Variants in LPP observed in about 807,000 individuals in gnomAD.
LPP encodes LIM domain containing preferred translocation partner in lipoma, also known as lipoma-preferred partner.
Under a neutral mutation model 60.4 loss-of-function variants are expected in LPP, and 38 were observed. The ratio of observed to expected loss-of-function variants is 0.63; its 90% CI spans 0.49 to 0.83. The LOEUF (loss-of-function observed/expected upper bound fraction) is 0.83, where lower values mean the gene tolerates loss of function less well. LPP is among the 40% of genes least tolerant of loss of function. The probability of loss-of-function intolerance (pLI) is 0.00; values close to 1 mark genes in which losing one functional copy is unlikely to be tolerated. For synonymous variants in LPP, 328 were observed against 290.8 expected (o/e 1.13, Z -1.30); for missense variants, 902 against 783.6 (o/e 1.15, Z -1.80).
chr3:188,727,162 A>G (rs1718730468), intron 8 of LPP, among the ~76,000 whole-genome samples: 1 of 152,178 alleles, frequency 6.6e-6, no homozygotes, highest in Admixed American at 6.5e-5. Flanking sequence ...AGTAACCTTG[A>G]GCAAGTTTTG....
intron 5 of LPP, among the ~76,000 whole-genome samples, chr3:188,493,759 A>G (rs190971361): frequency 1.1e-4 from 17 of 152,236 alleles, no homozygotes; most frequent in African/African-American, 4.1e-4. Flanking sequence ...TTTTCTTATA[A>G]TATGTTGAAA....
At chr3:188,510,632 A>G (rs1252386654) in intron 5 of LPP, among the ~76,000 whole-genome samples, 1 of 152,138 alleles carries the variant, frequency 6.6e-6, no homozygotes, top group Admixed American at 6.5e-5. Context: ...GGTAAGAGCC[A>G]ATCTCCTTAT....
At chr3:188,619,730 C>CA (rs1845482101) in intron 7 of LPP, among the ~76,000 whole-genome samples, 2 of 152,270 alleles carry the variant, frequency 1.3e-5, no homozygotes, top group African/African-American at 4.8e-5. Context: ...GGAAGAACGT[C>CA]ATGAAATTTA....
In LPP at chr3:188,371,639, ATATTTTTTTTTTTTTTTTTT is replaced by A. The variant is rs2151072510; in HGVS notation, c.-10+29922_-10+29941del. 1.1e-4 allele frequency among the ~76,000 whole-genome samples: 3 copies of A among 27,664 alleles called. No individual in the cohort carries two copies. In the East Asian group the frequency reaches 5.5e-3, roughly 50 times the overall value. The allele number at this position is 27,664 out of a possible 152,430, so 18.1% of individuals were successfully genotyped here. Reference sequence around the variant, plus strand: ...AAAATATATATATATATATATATATATATTTTTTTTTTTTTTTTTTTTTTTTTTTTTTGAGATGGAGACTT... The same window carrying A: ...AAAATATATATATATATATATATATATTTTTTTTTTTTGAGATGGAGACTT... On this transcript the variant is annotated intron_variant, in intron 3 of 11. Coordinates refer to ENST00000617246, the MANE Select transcript of LPP (RefSeq NM_001375462.1).
chr3:188,839,000 C>T (rs1181689834), intron 9 of LPP, among the ~76,000 whole-genome samples: 3 of 152,144 alleles, frequency 2.0e-5, no homozygotes, highest in Non-Finnish European at 4.4e-5. Flanking sequence ...GTACATTCTG[C>T]ACATGTATCT....
chr3:188,402,564 A>G (rs774955630), intron 3 of LPP, among the ~76,000 whole-genome samples: 10 of 152,244 alleles, frequency 6.6e-5, no homozygotes, highest in Admixed American at 3.3e-4. Flanking sequence ...GCTTCATTAC[A>G]TCACCAAATT....
intron 7 of LPP, among the ~76,000 whole-genome samples, chr3:188,629,949 G>C (rs1588871): frequency 6.6e-6 from 1 of 152,106 alleles, no homozygotes; most frequent in Non-Finnish European, 1.5e-5. Context: ...ACCATTGATA[G>C]TCAACATTTG....
chr3:188,166,721 GTCCGGC>G (rs1298522275), intron 1 of LPP, among the ~76,000 whole-genome samples: 10 of 152,192 alleles, frequency 6.6e-5, no homozygotes. Flanking sequence ...AGATCTCTGA[GTCCGGC>G]TCTAGCTTTT....
intron 8 of LPP, among the ~76,000 whole-genome samples, chr3:188,725,057 T>C (rs755873004): frequency 1.8e-4 from 28 of 152,214 alleles, no homozygotes; most frequent in Non-Finnish European, 4.4e-5. Context: ...ATTAAGATGG[T>C]TCAGGAAGTC....
At chr3:188,522,051 T>C (rs532339291) in intron 5 of LPP, among the ~76,000 whole-genome samples, 1 of 152,322 alleles carries the variant, frequency 6.6e-6, no homozygotes, top group East Asian at 1.9e-4. Context: ...TACCACAGTG[T>C]TTCATAGTTA....
chr3:188,811,223 TATAG>T (rs1003015200), intron 9 of LPP, among the ~76,000 whole-genome samples: 25 of 152,140 alleles, frequency 1.6e-4, no homozygotes, highest in Admixed American at 1.4e-3. Flanking sequence ...ATAAGAGAAC[TATAG>T]ATATTCACAT....
chr3:188,481,283 G>A (rs1020068338), intron 4 of LPP, among the ~76,000 whole-genome samples: 10 of 152,092 alleles, frequency 6.6e-5, no homozygotes, highest in African/African-American at 2.4e-5. Context: ...TTTTGAAAAC[G>A]TGAGCACCTC....
At chr3:188,707,514 A>G (rs78983178) in intron 7 of LPP, among the ~76,000 whole-genome samples, 3,582 of 152,310 alleles carry the variant, frequency 0.024, 136 homozygotes, top group African/African-American at 0.081. Flanking sequence ...CCCAGTGTCA[A>G]TGCTACTGAC....
intron 7 of LPP, among the ~76,000 whole-genome samples, chr3:188,655,418 T>C (rs1249311611): frequency 6.6e-6 from 1 of 152,092 alleles, no homozygotes; most frequent in East Asian, 1.9e-4. Flanking sequence ...ATAAGGCGGG[T>C]TTTAGAAAAG....
intron 1 of LPP, among the ~76,000 whole-genome samples, chr3:188,183,247 C>G (rs1725646804): frequency 6.6e-6 from 1 of 152,140 alleles, no homozygotes; most frequent in South Asian, 2.1e-4. Flanking sequence ...TTTCCATTCC[C>G]CCTCCACCTT....
intron 1 of LPP, among the ~76,000 whole-genome samples, 126 bp downstream of exon 1, chr3:188,154,378 T>TGGCCC (rs1169977927): frequency 6.6e-6 from 1 of 152,014 alleles, no homozygotes; most frequent in Non-Finnish European, 1.5e-5. Flanking sequence ...TGCTCTGGCC[T>TGGCCC]GGCCCGCTGT....
chr3:188,377,217 G>A (rs1303756154), intron 3 of LPP, among the ~76,000 whole-genome samples: 8 of 152,090 alleles, frequency 5.3e-5, no homozygotes, highest in Admixed American at 5.2e-4. Context: ...TATCTTTGTG[G>A]CATTCTCTGT....
At chr3:188,250,110 C>A (rs1364845441) in intron 2 of LPP, among the ~76,000 whole-genome samples, 1 of 152,096 alleles carries the variant, frequency 6.6e-6, no homozygotes, top group Admixed American at 6.5e-5. Context: ...TCAGTTCTGT[C>A]CTTGAAGAAA....
At chr3:188,271,739 C>A (rs961343594) in intron 2 of LPP, among the ~76,000 whole-genome samples, 1 of 152,136 alleles carries the variant, frequency 6.6e-6, no homozygotes, top group Non-Finnish European at 1.5e-5. Context: ...TTGTCCTCTT[C>A]CCTTTCTCTT....
Sources: gnomAD v4.1 joint callset for allele counts (sites outside exome capture counted in the v4.1 genomes callset) on GRCh38, gnomAD v4.1.1 for gene constraint, MANE v1.5 for transcripts, NCBI Gene and HGNC (gene_info 2026-07-23, HGNC 2026-07-21) for gene names.